Variants in EXOC6B observed in about 807,000 individuals in gnomAD.
EXOC6B encodes SEC15 homolog B.
Under a neutral mutation model 113.5 loss-of-function variants are expected in EXOC6B, and 54 were observed. The ratio of observed to expected loss-of-function variants is 0.48; its 90% CI spans 0.38 to 0.60. The LOEUF (loss-of-function observed/expected upper bound fraction) is 0.60, where lower values mean the gene tolerates loss of function less well. EXOC6B is among the 20% of genes least tolerant of loss of function. The pLI, the probability that EXOC6B is intolerant of heterozygous loss-of-function variation, is 0.00. For missense variants in EXOC6B, 797 were observed against 977.5 expected, an observed-to-expected ratio of 0.82 and a Z score of 2.46; for synonymous variants, 357 against 339.0, an observed-to-expected ratio of 1.05 and a Z score of -0.58.
At chr2:72,450,610 T>G (rs538686476) in intron 18 of EXOC6B, among the ~76,000 whole-genome samples, 1 of 152,298 alleles carries the variant, frequency 6.6e-6, no homozygotes, top group South Asian at 2.1e-4. Context: ...AAAAGCAGAT[T>G]AAAGTCCTAT....
At chr2:72,411,424 T>C (rs1259230882) in intron 18 of EXOC6B, among the ~76,000 whole-genome samples, 1 of 152,070 alleles carries the variant, frequency 6.6e-6, no homozygotes, top group East Asian at 1.9e-4. Flanking sequence ...TTAGTACCAA[T>C]ACAGAAATAG....
chr2:72,412,640 C>T (rs188331979), intron 18 of EXOC6B, among the ~76,000 whole-genome samples: 26 of 152,334 alleles, frequency 1.7e-4, no homozygotes, highest in Non-Finnish European at 3.5e-4. Context: ...GCTAAGATAA[C>T]ACTTTAGCTA....
intron 1 of EXOC6B, among the ~76,000 whole-genome samples, chr2:72,802,223 G>T (rs1685322152): frequency 6.6e-6 from 1 of 151,848 alleles, no homozygotes; most frequent in Non-Finnish European, 1.5e-5. Flanking sequence ...TACTCAGGAG[G>T]CTGAGGCAGG....
At chr2:72,661,647 G>A (rs987119296) in intron 6 of EXOC6B, among the ~76,000 whole-genome samples, 3 of 151,844 alleles carry the variant, frequency 2.0e-5, no homozygotes, top group Admixed American at 1.3e-4. Context: ...CTACAGATTC[G>A]ATGCAATTGC....
At chr2:72,412,032 G>A (rs1694217999) in intron 18 of EXOC6B, among the ~76,000 whole-genome samples, 2 of 152,032 alleles carry the variant, frequency 1.3e-5, no homozygotes, top group Non-Finnish European at 2.9e-5. Context: ...GAACCAAACA[G>A]CGCTTCTGGA....
At chr2:72,627,545 T>A (rs774227110) in intron 6 of EXOC6B, among the ~76,000 whole-genome samples, 5 of 152,200 alleles carry the variant, frequency 3.3e-5, no homozygotes, top group African/African-American at 4.8e-5. Context: ...ATTTTTATAT[T>A]CAAAGAAAAA....
At chr2:72,454,533 AAAAAG>A (rs1697101605) in intron 18 of EXOC6B, among the ~76,000 whole-genome samples, 1 of 152,190 alleles carries the variant, frequency 6.6e-6, no homozygotes, top group Admixed American at 6.5e-5. Flanking sequence ...AAAGGAATAG[AAAAAG>A]AAAAGGAAAT....
At position 72,402,878 on chromosome 2, in the gene EXOC6B, T is replaced by C. The variant is rs145082652; in HGVS notation, c.1981-23008A>G. ...GACTATATTCCATCATGGATGATCA[T>C]ACAGTCTCTGTTCTTTCAGCTCATG... is the stretch of plus-strand genomic sequence containing the variant. On this transcript the variant is annotated intron_variant, in intron 18 of 21. Transcript: ENST00000272427. Among the ~76,000 whole-genome samples the C allele has an allele frequency of 1.5e-3, 231 of 152,302 alleles. 5 individuals carry two copies. Among genetic ancestry groups the C allele is most frequent in the Non-Finnish European group, 4.1e-4 (28 of 68,020 alleles).
chr2:72,788,679 T>A (rs1255088836), intron 1 of EXOC6B, among the ~76,000 whole-genome samples: 3 of 152,040 alleles, frequency 2.0e-5, no homozygotes, highest in African/African-American at 7.2e-5. Context: ...GCACCTGTAG[T>A]CCCAGCTACT....
At chr2:72,628,418 C>T (rs925325820) in intron 6 of EXOC6B, among the ~76,000 whole-genome samples, 1 of 152,124 alleles carries the variant, frequency 6.6e-6, no homozygotes, top group African/African-American at 2.4e-5. Context: ...TGTGAGCTCC[C>T]ATGCCTGGCC....
chr2:72,789,930 C>T (rs563001351), intron 1 of EXOC6B, among the ~76,000 whole-genome samples: 4 of 152,286 alleles, frequency 2.6e-5, no homozygotes, highest in East Asian at 3.9e-4. Context: ...AATTCACTGT[C>T]TACACCATCT....
At chr2:72,369,622 C>CT (rs1337778618) in intron 19 of EXOC6B, among the ~76,000 whole-genome samples, 1 of 152,158 alleles carries the variant, frequency 6.6e-6, no homozygotes, top group Non-Finnish European at 1.5e-5. Flanking sequence ...TACTACAAGG[C>CT]TATAGTAACC....
chr2:72,575,810 ATAC>A (rs1305300227), intron 6 of EXOC6B, 142 bp from the exon 7 acceptor site: 13 of 680,882 alleles, frequency 1.9e-5, no homozygotes, highest in Admixed American at 1.6e-4. Context: ...CTTAACGAAA[ATAC>A]TACAACAAAA....
At chr2:72,449,283 C>T (rs1046654833) in intron 18 of EXOC6B, among the ~76,000 whole-genome samples, 3 of 151,808 alleles carry the variant, frequency 2.0e-5, no homozygotes, top group East Asian at 1.9e-4. Context: ...CCTGAGTTCA[C>T]GCCATTGTCC....
intron 7 of EXOC6B, among the ~76,000 whole-genome samples, chr2:72,562,999 G>A (rs1703975167): frequency 6.6e-6 from 1 of 152,108 alleles, no homozygotes; most frequent in Non-Finnish European, 1.5e-5. Context: ...TCTGAATGGA[G>A]AGCATTAGTG....
intron 2 of EXOC6B, among the ~76,000 whole-genome samples, chr2:72,740,335 G>A (rs1284444699): frequency 6.6e-6 from 1 of 152,138 alleles, no homozygotes; most frequent in Non-Finnish European, 1.5e-5. Flanking sequence ...ATAAGGACTT[G>A]AAAGAAGAAA....
intron 6 of EXOC6B, among the ~76,000 whole-genome samples, chr2:72,579,072 A>C (rs1705045186): frequency 6.6e-6 from 1 of 152,160 alleles, no homozygotes; most frequent in Non-Finnish European, 1.5e-5. Flanking sequence ...ACATCACTAA[A>C]ACAGTCCAAA....
chr2:72,626,479 T>G (rs895694806), intron 6 of EXOC6B, among the ~76,000 whole-genome samples: 2 of 152,150 alleles, frequency 1.3e-5, no homozygotes, highest in Non-Finnish European at 2.9e-5. Flanking sequence ...TTGGAGTCCT[T>G]TCAAACTGTG....
At chr2:72,732,403 C>T (rs913723202) in intron 3 of EXOC6B, among the ~76,000 whole-genome samples, 1 of 152,052 alleles carries the variant, frequency 6.6e-6, no homozygotes, top group East Asian at 1.9e-4. Flanking sequence ...CTCAAGTGAT[C>T]CTCCCACCTC....
Sources: gnomAD v4.1 joint callset for allele counts (sites outside exome capture counted in the v4.1 genomes callset) on GRCh38, gnomAD v4.1.1 for gene constraint, MANE v1.5 for transcripts, NCBI Gene and HGNC (gene_info 2026-07-23, HGNC 2026-07-21) for gene names.